The following BAHD1 variants were observed in gnomAD, a reference collection of about 807,000 sequenced individuals.
The protein encoded by BAHD1 is bromo adjacent homology domain-containing 1 protein.
In BAHD1, 20 loss-of-function variants were observed where a neutral mutation model predicts 63.1. That is an observed-to-expected ratio of 0.32 (90% CI 0.22 to 0.46). The LOEUF (loss-of-function observed/expected upper bound fraction) is 0.46. Among genes scored for constraint, BAHD1 ranks in the 20% least tolerant of loss-of-function variants. The pLI, the probability that BAHD1 is intolerant of heterozygous loss-of-function variation, is 1.00. For synonymous variants in BAHD1, 408 were observed against 426.8 expected (o/e 0.96, Z 0.54); for missense variants, 939 against 1,071.8 (o/e 0.88, Z 1.73).
chr15:40,441,711 C>T (rs1170488433), intron 1 of BAHD1, among the ~76,000 whole-genome samples: 1 of 148,724 alleles, frequency 6.7e-6, no homozygotes, highest in Non-Finnish European at 1.5e-5. Flanking sequence ...GCGCGGGCGG[C>T]GAGGCCCCCG....
intron 2 of BAHD1, among the ~76,000 whole-genome samples, chr15:40,460,930 C>G (rs1262073082): frequency 6.6e-6 from 1 of 152,116 alleles, no homozygotes; most frequent in Non-Finnish European, 1.5e-5. Context: ...TTGTGCCATT[C>G]CCCAAGTCTA....
At position 40,465,449 on chromosome 15, in the gene BAHD1, T is replaced by C; in HGVS notation, c.2153+14T>C. ...CGAGTACTGCAGGTAGGTGGTTCCC[T>C]GCACCCTCTGGCTGGCCTCTTCCCT... is the stretch of plus-strand genomic sequence containing the variant. On this transcript the variant is annotated intron_variant, in intron 6 of 6. Transcript: ENST00000416165. The C allele has an allele frequency of 6.2e-7, 1 of 1,607,746 alleles. No homozygotes were observed. Among genetic ancestry groups the C allele is most frequent in the Non-Finnish European group, 8.5e-7 (1 of 1,174,236 alleles).
At chr15:40,453,221 G>C (rs1055626644) in intron 1 of BAHD1, among the ~76,000 whole-genome samples, 13 of 152,222 alleles carry the variant, frequency 8.5e-5, no homozygotes, top group African/African-American at 2.9e-4. Flanking sequence ...AGGAGGGACA[G>C]AGCATTTAAA....
rs936367267 is a variant in BAHD1, at chr15:40,468,206, A to G, written c.*2076A>G. 6.6e-6 allele frequency: 1 copy of G among 152,554 alleles called. No individual in the cohort carries two copies. The highest frequency in any genetic ancestry group is 1.5e-5 in the Non-Finnish European group (1 of 68,036). The allele number at this position is 152,554 out of a possible 1,614,324, so 9.5% of individuals were successfully genotyped here. A position where few individuals can be genotyped will look rare whatever the true frequency, so the allele number is the denominator to read the frequency against. ...AAGTACTTCTTTAAGAAAAAAATAA[A>G]TTTGAGAAATTGTATTGATTTAGAA... On this transcript the variant is annotated 3_prime_UTR_variant, in exon 7 of 7. Transcript: ENST00000416165.
intron 1 of BAHD1, among the ~76,000 whole-genome samples, chr15:40,449,091 C>T (rs1018212697): frequency 3.3e-5 from 5 of 152,222 alleles, no homozygotes; most frequent in African/African-American, 1.2e-4. Context: ...GCTGGGATTA[C>T]AGGCGTGAGC....
rs1894217821 is a variant in BAHD1 at position 40,466,606 on chromosome 15, T to TC, written c.*479dup. 6.4e-6 allele frequency: 1 copy of TC among 156,716 alleles called. No individual in the cohort carries two copies. The highest frequency in any genetic ancestry group is 1.4e-5 in the Non-Finnish European group (1 of 70,684). 9.7% of individuals were successfully genotyped at this position (156,716 alleles called of 1,614,324 possible). On this transcript the variant is annotated 3_prime_UTR_variant, in exon 7 of 7. Transcript: ENST00000416165. ...CAGCCTGGGACCAGGCTTTCCTAGA[T>TC]CCCAGCACAGCTCTGAGCTTGTTCC... is the stretch of plus-strand genomic sequence containing the variant.
chr15:40,452,968 C>T (rs1204368384), intron 1 of BAHD1, among the ~76,000 whole-genome samples: 1 of 152,140 alleles, frequency 6.6e-6, no homozygotes, highest in Non-Finnish European at 1.5e-5. Context: ...GGAATAGTGG[C>T]AGAGCAAAGT....
chr15:40,442,552 G>A (rs1245373869), intron 1 of BAHD1, among the ~76,000 whole-genome samples: 1 of 152,182 alleles, frequency 6.6e-6, no homozygotes, highest in Non-Finnish European at 1.5e-5. Flanking sequence ...TCTGCCTACA[G>A]GCAGAAGTCT....
intron 2 of BAHD1, among the ~76,000 whole-genome samples, chr15:40,461,116 C>T (rs956667074): frequency 1.3e-5 from 2 of 152,084 alleles, no homozygotes; most frequent in Non-Finnish European, 1.5e-5. Flanking sequence ...TGACTATGGG[C>T]GAGTCAGTAA....
chr15:40,438,270 G>A (rs1893318175), upstream of BAHD1, among the ~76,000 whole-genome samples: 1 of 152,176 alleles, frequency 6.6e-6, no homozygotes, highest in African/African-American at 2.4e-5. Flanking sequence ...AAAGAAGGAG[G>A]CCCAGTTGCA....
At chr15:40,446,473 A>C (rs1893543298) in intron 1 of BAHD1, among the ~76,000 whole-genome samples, 1 of 152,166 alleles carries the variant, frequency 6.6e-6, no homozygotes, top group Admixed American at 6.5e-5. Context: ...CATTTTTCCC[A>C]GTGGGAAACA....
chr15:40,450,027 A>G (rs1273805764), intron 1 of BAHD1, among the ~76,000 whole-genome samples: 1 of 152,114 alleles, frequency 6.6e-6, no homozygotes, highest in Non-Finnish European at 1.5e-5. Context: ...AAGATTTTAC[A>G]CAGGGTGGGG....
chr15:40,466,223 A>C lies in BAHD1; in HGVS notation c.*93A>C. 4 of 1,016,404 alleles carry C rather than the reference A, an allele frequency of 3.9e-6. No homozygotes were observed. Among genetic ancestry groups the C allele is most frequent in the East Asian group, 3.6e-5 (1 of 28,006 alleles). 63.0% of individuals were successfully genotyped at this position (1,016,404 alleles called of 1,614,324 possible). A position where few individuals can be genotyped will look rare whatever the true frequency, so the allele number is the denominator to read the frequency against. Reference sequence around the variant, plus strand: ...GCACAGCACTTGGTTAGGGGGCCACAGAGGCCTAAGTTTGCTGGCCTGTGG... The same window carrying C: ...GCACAGCACTTGGTTAGGGGGCCACCGAGGCCTAAGTTTGCTGGCCTGTGG... On this transcript the variant is annotated 3_prime_UTR_variant, in exon 7 of 7. Transcript: ENST00000416165.
chr15:40,461,243 T>C (rs1894030404), intron 2 of BAHD1, among the ~76,000 whole-genome samples: 1 of 152,182 alleles, frequency 6.6e-6, no homozygotes, highest in Admixed American at 6.5e-5. Flanking sequence ...CCAGTTGCTC[T>C]GAGGGGCAGA....
intron 1 of BAHD1, among the ~76,000 whole-genome samples, chr15:40,451,881 C>G (rs1454878629): frequency 6.6e-6 from 1 of 152,136 alleles, no homozygotes; most frequent in Non-Finnish European, 1.5e-5. Flanking sequence ...GGGACATGTG[C>G]CTTTTAAGAA....
rs527370163 is a variant in BAHD1, at chr15:40,459,307, A to C, written c.843A>C (p.Glu281Asp). 44 of 1,613,018 alleles carry C rather than the reference A, an allele frequency of 2.7e-5. No individual in the cohort carries two copies. In the East Asian group the frequency reaches 9.6e-4, roughly 35 times the overall value. ...CTGGCTGGCAAGGCTGCCCTGATGA[A>C]CCATGGCCATCTGCAACTCCTTGTG... The part of the protein sequence containing the change: ...GPPGWQGCPD[E>D]PWPSATPCGP... Residue 281 changes from glutamate to aspartate, a missense_variant, in exon 2 of 7, where the codon GAA becomes GAC. Coordinates refer to ENST00000416165, the MANE Select transcript of BAHD1 (RefSeq NM_014952.5).
At chr15:40,437,896 G>A (rs983448513), upstream of BAHD1, among the ~76,000 whole-genome samples, 2 of 152,154 alleles carry the variant, frequency 1.3e-5, no homozygotes, top group Non-Finnish European at 2.9e-5. Flanking sequence ...AGGGTGCGCC[G>A]CGTGGTCTCT....
chr15:40,447,831 G>A (rs75072257), intron 1 of BAHD1, among the ~76,000 whole-genome samples: 3,179 of 152,266 alleles, frequency 0.021, 109 homozygotes, highest in African/African-American at 0.073. Context: ...TAGATGCATG[G>A]TTGGGGGTTA....
In BAHD1 at chr15:40,458,354, T is replaced by A; in HGVS notation, c.-14-97T>A. ...GAGACAGGGTAGTTGTAGGCCAGGA[T>A]CACTGCACCTGGGGCTGGGTAGGCT... On this transcript the variant is annotated intron_variant, in intron 1 of 6. Coordinates refer to ENST00000416165, the MANE Select transcript of BAHD1 (RefSeq NM_014952.5). This position sits in a 1 kb window ranked among gnomAD's most constrained non-coding sequence, Gnocchi z 4.7. 1 of 1,453,488 alleles carries A rather than the reference T, an allele frequency of 6.9e-7. No individual in the cohort carries two copies. Among genetic ancestry groups the A allele is most frequent in the Non-Finnish European group, 9.2e-7 (1 of 1,089,310 alleles). The allele number at this position is 1,453,488 out of a possible 1,614,324, so 90.0% of individuals were successfully genotyped here.
Sources: allele counts gnomAD v4.1 joint callset (sites outside exome capture counted in the v4.1 genomes callset), GRCh38; gene constraint gnomAD v4.1.1; non-coding constraint Gnocchi (gnomAD v3.1); transcripts MANE v1.5; gene names NCBI Gene and HGNC (gene_info 2026-07-23, HGNC 2026-07-21).